Variants in FGGY observed in about 807,000 individuals in gnomAD.
The protein encoded by FGGY is FGGY carbohydrate kinase domain-containing protein.
In FGGY, 72 loss-of-function variants were observed where a neutral mutation model predicts 71.3. The ratio of observed to expected loss-of-function variants is 1.01; its 90% CI spans 0.84 to 1.23. The LOEUF is 1.23. Among genes scored for constraint, FGGY ranks in the 50% most tolerant of loss-of-function variants. FGGY has a pLI of 0.00. For synonymous variants in FGGY, 251 were observed against 250.3 expected, an observed-to-expected ratio of 1.00 and a Z score of -0.02; for missense variants, 668 against 682.3, an observed-to-expected ratio of 0.98 and a Z score of 0.23.
chr1:59,762,595 C>T lies in FGGY; in HGVS notation c.*11C>T. 6.2e-7 allele frequency: 1 copy of T among 1,609,756 alleles called. No homozygotes were observed. Among genetic ancestry groups the T allele is most frequent in the Non-Finnish European group, 8.5e-7 (1 of 1,176,846 alleles). ...ATGAATGATGACTGAACAGGGCTTG[C>T]AGGTGCTGATGCCAGAAGCTTCTGT... On this transcript the variant is annotated 3_prime_UTR_variant, in exon 16 of 16. Coordinates refer to ENST00000303721, the MANE Select transcript of FGGY (RefSeq NM_018291.5).
At chr1:59,758,974 A>AG (rs1396416529) in intron 15 of FGGY, among the ~76,000 whole-genome samples, 1 of 152,158 alleles carries the variant, frequency 6.6e-6, no homozygotes, top group Non-Finnish European at 1.5e-5. Context: ...GATCCAGTAC[A>AG]GGGGGCTCAG....
At chr1:59,499,191 G>C (rs1032520023) in intron 6 of FGGY, among the ~76,000 whole-genome samples, 1 of 151,426 alleles carries the variant, frequency 6.6e-6, no homozygotes, top group African/African-American at 2.4e-5. Context: ...TTGAACCAGA[G>C]AATAATTATA....
At chr1:59,301,952 G>C (rs1301408557) in intron 1 of FGGY, among the ~76,000 whole-genome samples, 1 of 150,144 alleles carries the variant, frequency 6.7e-6, no homozygotes, top group Non-Finnish European at 1.5e-5. Context: ...GGTCAGGCTG[G>C]TCTTGATCTC....
intron 7 of FGGY, among the ~76,000 whole-genome samples, chr1:59,522,654 C>CT (rs1484240645): frequency 1.3e-5 from 2 of 152,108 alleles, no homozygotes; most frequent in Admixed American, 6.5e-5. Flanking sequence ...TAATCTTAAT[C>CT]TTTTTGTAGT....
intron 5 of FGGY, among the ~76,000 whole-genome samples, chr1:59,431,578 A>G (rs948005370): frequency 1.3e-5 from 2 of 152,322 alleles, no homozygotes; most frequent in Admixed American, 1.3e-4. Flanking sequence ...GAGATCATCC[A>G]GGAACCCAGG....
At chr1:59,628,545 G>A (rs1290575941) in intron 10 of FGGY, among the ~76,000 whole-genome samples, 1 of 152,176 alleles carries the variant, frequency 6.6e-6, no homozygotes, top group Non-Finnish European at 1.5e-5. Flanking sequence ...GAGATTAATA[G>A]TATTGTTATT....
intron 6 of FGGY, among the ~76,000 whole-genome samples, chr1:59,505,935 A>T (rs917615549): frequency 5.9e-5 from 9 of 152,098 alleles, no homozygotes; most frequent in African/African-American, 2.2e-4. Context: ...ATAATTGTAG[A>T]TTCCAGCTTT....
chr1:59,442,732 G>A (rs1458695094), intron 5 of FGGY, among the ~76,000 whole-genome samples: 1 of 152,176 alleles, frequency 6.6e-6, no homozygotes. Context: ...TCACCATGGT[G>A]CCCTTTACTT....
intron 7 of FGGY, among the ~76,000 whole-genome samples, chr1:59,553,128 C>T (rs2095634662): frequency 6.6e-6 from 1 of 152,088 alleles, no homozygotes; most frequent in South Asian, 2.1e-4. Flanking sequence ...AGGTGGGAAA[C>T]AGCATTAAGG....
intron 1 of FGGY, among the ~76,000 whole-genome samples, chr1:59,302,854 A>C (rs200535411): frequency 1.3e-5 from 2 of 152,090 alleles, no homozygotes; most frequent in East Asian, 1.9e-4. Context: ...AAAAAACCCC[A>C]AAAAACCCTG....
At chr1:59,586,513 C>T (rs934032887) in intron 8 of FGGY, among the ~76,000 whole-genome samples, 13 of 151,036 alleles carry the variant, frequency 8.6e-5, no homozygotes, top group South Asian at 4.2e-4. Flanking sequence ...GTGGTGGGGT[C>T]GGGGGAGTGG....
At chr1:59,753,087 C>T (rs1271703484) in intron 14 of FGGY, among the ~76,000 whole-genome samples, 1 of 152,044 alleles carries the variant, frequency 6.6e-6, no homozygotes, top group Non-Finnish European at 1.5e-5. Flanking sequence ...AAGAGGGTAG[C>T]GTGCTGCAAA....
intron 1 of FGGY, among the ~76,000 whole-genome samples, chr1:59,314,410 T>C (rs1557512915): frequency 6.6e-6 from 1 of 152,242 alleles, no homozygotes; most frequent in Non-Finnish European, 1.5e-5. Flanking sequence ...ATTTTCCTTC[T>C]GTGCCTCCCA....
intron 2 of FGGY, among the ~76,000 whole-genome samples, chr1:59,325,311 T>C (rs835371): frequency 0.063 from 9,564 of 152,086 alleles, 957 homozygotes; most frequent in African/African-American, 0.22. Flanking sequence ...GAGCCGAGAT[T>C]GCGCCATTGC....
chr1:59,398,800 T>C (rs1193809531), intron 5 of FGGY, among the ~76,000 whole-genome samples: 1 of 152,192 alleles, frequency 6.6e-6, no homozygotes, highest in Non-Finnish European at 1.5e-5. Flanking sequence ...AATTGCAACT[T>C]GGTCATGTCT....
At chr1:59,651,397 G>A (rs1189622457) in intron 11 of FGGY, among the ~76,000 whole-genome samples, 1 of 148,742 alleles carries the variant, frequency 6.7e-6, no homozygotes, top group African/African-American at 2.5e-5. Flanking sequence ...AAGTCTCTTT[G>A]TAGGTCACTC....
chr1:59,493,241 A>G (rs892166171), intron 6 of FGGY, among the ~76,000 whole-genome samples: 11 of 152,280 alleles, frequency 7.2e-5, no homozygotes, highest in South Asian at 4.1e-4. Context: ...TAGTTCCTCA[A>G]AAAGTTACAA....
chr1:59,472,149 G>A (rs546363934), intron 6 of FGGY, among the ~76,000 whole-genome samples: 12 of 152,326 alleles, frequency 7.9e-5, no homozygotes, highest in African/African-American at 2.2e-4. Flanking sequence ...GGCGGGAACC[G>A]GGGCTGCGCG....
chr1:59,527,023 G>T (rs1346623963), intron 7 of FGGY, among the ~76,000 whole-genome samples: 2 of 152,222 alleles, frequency 1.3e-5, no homozygotes, highest in African/African-American at 4.8e-5. Flanking sequence ...CCCAGCCAAA[G>T]AGATTGAATG....
Sources: gnomAD v4.1 joint callset for allele counts (sites outside exome capture counted in the v4.1 genomes callset) on GRCh38, gnomAD v4.1.1 for gene constraint, MANE v1.5 for transcripts, NCBI Gene and HGNC (gene_info 2026-07-23, HGNC 2026-07-21) for gene names.